PRKCA: variants seen among roughly 807,000 people sequenced by gnomAD.
The protein encoded by PRKCA is protein kinase C alpha type.
Under a neutral mutation model 87.0 loss-of-function variants are expected in PRKCA, and 27 were observed. The ratio of observed to expected loss-of-function variants is 0.31; its 90% CI spans 0.23 to 0.43. The LOEUF is 0.43. Among genes scored for constraint, PRKCA ranks in the 20% least tolerant of loss-of-function variants. The pLI, the probability that PRKCA is intolerant of heterozygous loss-of-function variation, is 1.00. For synonymous variants in PRKCA, 329 were observed against 311.1 expected (o/e 1.06, Z -0.61); for missense variants, 518 against 852.3 (o/e 0.61, Z 4.88).
chr17:66,383,676 A>C (rs2091859784), intron 2 of PRKCA, among the ~76,000 whole-genome samples: 1 of 152,134 alleles, frequency 6.6e-6, no homozygotes, highest in African/African-American at 2.4e-5. Flanking sequence ...TCAGATCATC[A>C]TGGAAAATCC....
intron 5 of PRKCA, among the ~76,000 whole-genome samples, chr17:66,679,174 C>CTTTTTTTTTTTTTT (rs10714678): frequency 8.3e-6 from 1 of 121,056 alleles, no homozygotes. Context: ...ACACTCACAC[C>CTTTTTTTTTTTTTT]TTTTTTTTTT....
Position 66,764,061 on chromosome 17 carries a change from T to C in PRKCA, c.1525-9926T>C, listed in dbSNP as rs1225491437. ...TCAGAAGTATGGATGCCAAAGCCGA[T>C]GACCAGGGTTCTAATCCAAGCGTTG... On this transcript the variant is annotated intron_variant, in intron 13 of 16. Transcript: ENST00000413366. Among the ~76,000 whole-genome samples the C allele has an allele frequency of 2.0e-5, 3 of 152,212 alleles. No homozygotes were observed. In the East Asian group the frequency reaches 5.8e-4, roughly 29 times the overall value.
chr17:66,697,749 G>A (rs1015941475), intron 8 of PRKCA, among the ~76,000 whole-genome samples: 2 of 152,112 alleles, frequency 1.3e-5, no homozygotes, highest in South Asian at 2.1e-4. Context: ...GCCCATCCAC[G>A]AGCTGCTTGA....
chr17:66,609,837 AAAAC>A (rs1167418759), intron 3 of PRKCA, among the ~76,000 whole-genome samples: 2 of 152,130 alleles, frequency 1.3e-5, no homozygotes, highest in Non-Finnish European at 2.9e-5. Flanking sequence ...TATTGCAGGA[AAAAC>A]AAACTAACAA....
intron 13 of PRKCA, among the ~76,000 whole-genome samples, chr17:66,769,973 T>C (rs1357998488): frequency 6.6e-6 from 1 of 152,250 alleles, no homozygotes; most frequent in Non-Finnish European, 1.5e-5. Flanking sequence ...AAAATCCATT[T>C]ACATTCACTC....
chr17:66,665,004 A>G (rs1004873552), intron 5 of PRKCA, among the ~76,000 whole-genome samples: 21 of 152,110 alleles, frequency 1.4e-4, no homozygotes, highest in African/African-American at 4.8e-4. Flanking sequence ...TGCTGGTTCC[A>G]TGAACCCAGG....
intron 14 of PRKCA, among the ~76,000 whole-genome samples, chr17:66,786,499 C>CA (rs1180276832): frequency 1.3e-5 from 2 of 152,182 alleles, no homozygotes; most frequent in African/African-American, 4.8e-5. Context: ...CTTCTGACCA[C>CA]AAAGCCATCT....
intron 3 of PRKCA, among the ~76,000 whole-genome samples, chr17:66,542,969 A>T (rs545332007): frequency 5.0e-4 from 76 of 152,340 alleles, no homozygotes; most frequent in Admixed American, 1.6e-3. Flanking sequence ...TTGGAGTTAC[A>T]GTTAAGAGTC....
At chr17:66,778,265 G>C (rs1282030211) in intron 14 of PRKCA, 1 of 946,858 alleles carries the variant, frequency 1.1e-6, no homozygotes, top group East Asian at 1.2e-4. Context: ...TGTAATCCCA[G>C]CACTTCGGGA....
intron 2 of PRKCA, among the ~76,000 whole-genome samples, chr17:66,330,761 T>C (rs1487846015): frequency 6.6e-6 from 1 of 152,200 alleles, no homozygotes; most frequent in Non-Finnish European, 1.5e-5. Flanking sequence ...TTAGTTAAGA[T>C]GGACTTTAAA....
chr17:66,736,604 G>A (rs1257391776), intron 10 of PRKCA, among the ~76,000 whole-genome samples: 2 of 152,164 alleles, frequency 1.3e-5, no homozygotes, highest in Admixed American at 1.3e-4. Flanking sequence ...AAGACCACTG[G>A]TTCCACTGCC....
At chr17:66,361,915 G>GA (rs1322675416) in intron 2 of PRKCA, among the ~76,000 whole-genome samples, 1 of 152,218 alleles carries the variant, frequency 6.6e-6, no homozygotes, top group African/African-American at 2.4e-5. Context: ...AGAACAATGT[G>GA]AGAGTGTCTG....
rs966783202 is a variant in PRKCA at position 66,777,722 on chromosome 17, G to A, written c.1605+3655G>A. Reference sequence around the variant, plus strand: ...AAAACAAACCCTGCTTTCATTAAGAGTCACATTTGCATATGCTAACATGCA... The same window carrying A: ...AAAACAAACCCTGCTTTCATTAAGAATCACATTTGCATATGCTAACATGCA... On this transcript the variant is annotated intron_variant, in intron 14 of 16. Coordinates refer to ENST00000413366, the MANE Select transcript of PRKCA (RefSeq NM_002737.3). The A allele has an allele frequency of 4.2e-5, 41 of 985,270 alleles. No homozygotes were observed. In the Admixed American group the frequency reaches 4.3e-4, roughly 10 times the overall value. The allele number at this position is 985,270 out of a possible 1,614,324, so 61.0% of individuals were successfully genotyped here. A position where few individuals can be genotyped will look rare whatever the true frequency, so the allele number is the denominator to read the frequency against.
chr17:66,431,565 T>TA (rs1172454173), intron 2 of PRKCA, among the ~76,000 whole-genome samples: 10 of 152,332 alleles, frequency 6.6e-5, no homozygotes, highest in Admixed American at 5.9e-4. Flanking sequence ...TGCAGAAGTT[T>TA]AGTCTCTGCT....
At chr17:66,700,904 C>T (rs1199179715) in intron 8 of PRKCA, among the ~76,000 whole-genome samples, 1 of 152,048 alleles carries the variant, frequency 6.6e-6, no homozygotes, top group Non-Finnish European at 1.5e-5. Flanking sequence ...TAATCCTTAT[C>T]AAAATGCCAA....
At chr17:66,478,445 G>A (rs970480228) in intron 2 of PRKCA, among the ~76,000 whole-genome samples, 5 of 151,890 alleles carry the variant, frequency 3.3e-5, no homozygotes, top group African/African-American at 1.2e-4. Flanking sequence ...GTAGAGACGG[G>A]GTTTCACCAT....
At position 66,804,917 on chromosome 17, in the gene PRKCA, C is replaced by CA. The variant is rs140101573; in HGVS notation, c.*880_*881insA. 1.1e-6 allele frequency: 1 copy of CA among 879,578 alleles called. No homozygotes were observed. Among genetic ancestry groups the CA allele is most frequent in the African/African-American group, 1.8e-5 (1 of 54,558 alleles). The allele number at this position is 879,578 out of a possible 1,614,324, so 54.5% of individuals were successfully genotyped here. A position where few individuals can be genotyped will look rare whatever the true frequency, so the allele number is the denominator to read the frequency against. Reference sequence around the variant, plus strand: ...CAGTGTTGTTCACCAACACCCACCCCCACACACACCAACATTTTGCTGCCT... The same window carrying CA: ...CAGTGTTGTTCACCAACACCCACCCCACACACACACCAACATTTTGCTGCCT... On this transcript the variant is annotated 3_prime_UTR_variant, in exon 17 of 17. Coordinates refer to ENST00000413366, the MANE Select transcript of PRKCA (RefSeq NM_002737.3).
At chr17:66,632,962 G>C (rs1971061780) in intron 3 of PRKCA, among the ~76,000 whole-genome samples, 1 of 152,206 alleles carries the variant, frequency 6.6e-6, no homozygotes, top group Non-Finnish European at 1.5e-5. Context: ...CTGTATAGAT[G>C]AGTGTTATTC....
At chr17:66,523,932 C>T (rs998995081) in intron 3 of PRKCA, among the ~76,000 whole-genome samples, 1 of 152,188 alleles carries the variant, frequency 6.6e-6, no homozygotes, top group Non-Finnish European at 1.5e-5. Context: ...TATTCAAAAG[C>T]TTGTTTATGC....
Sources: allele counts gnomAD v4.1 joint callset (sites outside exome capture counted in the v4.1 genomes callset), GRCh38; gene constraint gnomAD v4.1.1; transcripts MANE v1.5; gene names NCBI Gene and HGNC (gene_info 2026-07-23, HGNC 2026-07-21).